NOC3L: variants seen among roughly 807,000 people sequenced by gnomAD.
NOC3L encodes nucleolar complex protein 3 homolog.
In NOC3L, 85 loss-of-function variants were observed where a neutral mutation model predicts 102.5. The ratio of observed to expected loss-of-function variants is 0.83; its 90% CI spans 0.70 to 0.99. The LOEUF (loss-of-function observed/expected upper bound fraction) is 0.99, where lower values mean the gene tolerates loss of function less well. Ranked by LOEUF, NOC3L falls within the 50% of genes least tolerant of loss-of-function variation. The pLI, the probability that NOC3L is intolerant of heterozygous loss-of-function variation, is 0.00. For synonymous variants in NOC3L, 303 were observed against 309.4 expected (o/e 0.98, Z 0.22); for missense variants, 878 against 914.9 (o/e 0.96, Z 0.52).
chr10:94,339,193 C>T (rs2054254648), intron 17 of NOC3L, among the ~76,000 whole-genome samples: 1 of 152,166 alleles, frequency 6.6e-6, no homozygotes, highest in Non-Finnish European at 1.5e-5. Flanking sequence ...AGACACTTAA[C>T]CTCTCTGGAC....
chr10:94,346,488 AT>A lies in NOC3L; in HGVS notation c.1325del (p.Asn442IlefsTer7), dbSNP rs756878186. Reference protein sequence around the residue: ...VEVKKDTEDINKPKKFMTFKE... With the variant: ...VEVKKDTEDIXKPKKFMTFKE... Reference sequence around the variant, plus strand: ...TGAAAGTCATAAATTTTTTTGGTTTATTAATGTCTTCTGTATCTTTTTTCAC... The same window carrying A: ...TGAAAGTCATAAATTTTTTTGGTTTATAATGTCTTCTGTATCTTTTTTCAC... On this transcript the variant is annotated frameshift_variant, in exon 11 of 21. Coordinates refer to ENST00000371361, the MANE Select transcript of NOC3L (RefSeq NM_022451.11). LOFTEE classifies it high-confidence loss of function. 6.7e-7 allele frequency: 1 copy of A among 1,500,558 alleles called. No homozygotes were observed. The highest frequency in any genetic ancestry group is 2.5e-5 in the East Asian group (1 of 39,944). The allele number at this position is 1,500,558 out of a possible 1,614,324, so 93.0% of individuals were successfully genotyped here.
the NOC3L span, among the ~76,000 whole-genome samples, chr10:94,322,781 G>A: frequency 6.7e-6 from 1 of 149,630 alleles, no homozygotes; most frequent in Non-Finnish European, 1.5e-5. Context: ...GTGAAACTTC[G>A]TCTAAAAAAA....
At chr10:94,325,264 TA>T in the NOC3L span, 1 of 630,532 alleles carries the variant, frequency 1.6e-6, no homozygotes, top group Non-Finnish European at 2.8e-6. Flanking sequence ...GCTCTGAAGA[TA>T]TGTGTAACAT....
chr10:94,315,392 G>A, the NOC3L span: 28 of 455,854 alleles, frequency 6.1e-5, no homozygotes, highest in African/African-American at 1.2e-4. Context: ...TACTTCTCAC[G>A]GGAAGGCAAC....
chr10:94,320,979 T>C, the NOC3L span, among the ~76,000 whole-genome samples: 2 of 152,222 alleles, frequency 1.3e-5, no homozygotes, highest in Admixed American at 6.5e-5. Flanking sequence ...TTCTTATTGA[T>C]ACGCTTCTGT....
At chr10:94,359,283 A>C (rs1457285453) in intron 2 of NOC3L, among the ~76,000 whole-genome samples, 1 of 152,094 alleles carries the variant, frequency 6.6e-6, no homozygotes, top group Non-Finnish European at 1.5e-5. Context: ...AAAATTAGTG[A>C]GGCGTGGTGG....
chr10:94,355,697 A>G (rs539978627), intron 5 of NOC3L, among the ~76,000 whole-genome samples: 9 of 152,292 alleles, frequency 5.9e-5, no homozygotes, highest in Admixed American at 4.6e-4. Context: ...CCTAGAGCTC[A>G]TATTCTTAGC....
intron 11 of NOC3L, 118 bp downstream of exon 11, chr10:94,346,307 G>A (rs1474195852): frequency 2.2e-5 from 15 of 677,682 alleles, no homozygotes; most frequent in Non-Finnish European, 3.4e-5. Context: ...TCTAAATGAT[G>A]TATTTCAAAA....
intron 13 of NOC3L, among the ~76,000 whole-genome samples, chr10:94,342,905 G>A (rs1197096482): frequency 6.6e-6 from 1 of 151,862 alleles, no homozygotes; most frequent in African/African-American, 2.4e-5. Context: ...GCCAACATGA[G>A]GAAACCCCAT....
rs779387237 is a variant in NOC3L at position 94,358,066 on chromosome 10, C to T, written c.350+17G>A. 5 of 1,510,958 alleles carry T rather than the reference C, an allele frequency of 3.3e-6. No individual in the cohort carries two copies. Among genetic ancestry groups the T allele is most frequent in the Non-Finnish European group, 4.6e-6 (5 of 1,087,642 alleles). The allele number at this position is 1,510,958 out of a possible 1,614,324, so 93.6% of individuals were successfully genotyped here. On this transcript the variant is annotated intron_variant, in intron 3 of 20. Coordinates refer to ENST00000371361, the MANE Select transcript of NOC3L (RefSeq NM_022451.11). The stretch of plus-strand genomic sequence containing the variant: ...ACTAAATGGATATGAATGATTATAA[C>T]CCAAATGAAGTATTACCTAGAAGAA...
downstream of NOC3L, chr10:94,329,423 A>C (rs980692813): frequency 1.3e-5 from 2 of 152,204 alleles, no homozygotes; most frequent in Non-Finnish European, 2.9e-5. Context: ...AAACTTTTTT[A>C]ACCAATTATA....
At chr10:94,349,886 G>A (rs1015437683) in intron 9 of NOC3L, among the ~76,000 whole-genome samples, 4 of 152,066 alleles carry the variant, frequency 2.6e-5, no homozygotes, top group Non-Finnish European at 5.9e-5. Flanking sequence ...AGCCTCCCAA[G>A]TAGCTGGGAC....
intron 8 of NOC3L, among the ~76,000 whole-genome samples, chr10:94,351,762 G>A (rs1303515239): frequency 2.0e-5 from 3 of 150,050 alleles, no homozygotes; most frequent in East Asian, 2.0e-4. Flanking sequence ...TCCTAGCTTC[G>A]AGCAATCCTC....
chr10:94,356,608 T>C lies in NOC3L; in HGVS notation c.509-17A>G, dbSNP rs200230254. 1.7e-5 allele frequency: 25 copies of C among 1,452,786 alleles called. No homozygotes were observed. Among genetic ancestry groups the C allele is most frequent in the Non-Finnish European group, 2.2e-5 (23 of 1,035,724 alleles). The allele number at this position is 1,452,786 out of a possible 1,614,324, so 90.0% of individuals were successfully genotyped here. A position where few individuals can be genotyped will look rare whatever the true frequency, so the allele number is the denominator to read the frequency against. On this transcript the variant is annotated splice_polypyrimidine_tract_variant and intron_variant, in intron 4 of 20. Transcript: ENST00000371361. ...TATCAGTAACTATATGGAAAACATA[T>C]GTATTAAAACTGTGATATATACTTA...
chr10:94,357,275 T>A lies in NOC3L; in HGVS notation c.407A>T (p.Lys136Ile). ...KHERIIDKYEKIPRTLQTAPE... is the reference protein window; with the variant it reads ...KHERIIDKYEIIPRTLQTAPE... ...TGCAGTTTGCAGAGTTCTTGGTATTTTTTCATATTTATCTATAATGCGTTC... is the reference window on the plus strand; with the variant it reads ...TGCAGTTTGCAGAGTTCTTGGTATTATTTCATATTTATCTATAATGCGTTC... The change falls in exon 4 of 21, where the codon AAA becomes ATA. Residue 136 changes from lysine to isoleucine, a missense_variant. By Grantham distance (102) the Lys-to-Ile change is moderately radical (BLOSUM62 -3). Transcript: ENST00000371361. 1 of 1,607,720 alleles carries A rather than the reference T, an allele frequency of 6.2e-7. No individual in the cohort carries two copies. Among genetic ancestry groups the A allele is most frequent in the Non-Finnish European group, 8.5e-7 (1 of 1,176,856 alleles).
chr10:94,315,538 G>A, the NOC3L span: 1 of 455,646 alleles, frequency 2.2e-6, no homozygotes, highest in Non-Finnish European at 4.4e-6. Flanking sequence ...GGAGGCCGAG[G>A]CGGGCAGATC....
rs189386772 is a variant in NOC3L at position 94,341,156 on chromosome 10, G to A, written c.1644+517C>T. ...CCACTGCACTCCGGCCTGGGCAACT[G>A]AGTGAGACCCTATCTCAAAAAAGAA... On this transcript the variant is annotated intron_variant, in intron 14 of 20. Transcript: ENST00000371361. Among the ~76,000 whole-genome samples, 258 of 151,936 alleles carry A rather than the reference G, an allele frequency of 1.7e-3. 7 individuals carry two copies. Among genetic ancestry groups the A allele is most frequent in the Admixed American group, 0.013 (198 of 15,246 alleles).
chr10:94,315,254 A>G, the NOC3L span: 2 of 369,656 alleles, frequency 5.4e-6, no homozygotes, highest in South Asian at 2.1e-5. Flanking sequence ...CCCTCAGTCC[A>G]TCACATTCTG....
chr10:94,357,196 G>A lies in NOC3L; in HGVS notation c.486C>T (p.Ile162=), dbSNP rs374921561. 1.4e-5 allele frequency: 22 copies of A among 1,595,634 alleles called. No homozygotes were observed. Among genetic ancestry groups the A allele is most frequent in the Non-Finnish European group, 1.8e-5 (21 of 1,171,008 alleles). The change falls in exon 4 of 21, where the codon ATC becomes ATT. Residue 162 remains isoleucine (I), a synonymous_variant. Transcript: ENST00000371361. ...LLPIKDKSGI[I]PQTREKPVTD... ...CACCTGGCTTCTCCCTAGTCTGTGGGATTATACCACTTTTATCTTTGATAG... is the reference window on the plus strand; with the variant it reads ...CACCTGGCTTCTCCCTAGTCTGTGGAATTATACCACTTTTATCTTTGATAG...
Sources: gnomAD v4.1 joint callset for allele counts (sites outside exome capture counted in the v4.1 genomes callset) on GRCh38, gnomAD v4.1.1 for gene constraint, MANE v1.5 for transcripts, NCBI Gene and HGNC (gene_info 2026-07-23, HGNC 2026-07-21) for gene names.